The following NTRK3 variants were observed in gnomAD, a reference collection of about 807,000 sequenced individuals.
NTRK3 encodes the protein neurotrophic receptor tyrosine kinase 3.
A neutral mutation model predicts 91.7 loss-of-function variants in NTRK3; 24 were observed. The ratio of observed to expected loss-of-function variants is 0.26; its 90% confidence interval spans 0.19 to 0.37. The LOEUF (loss-of-function observed/expected upper bound fraction) is 0.37, where lower values mean the gene tolerates loss of function less well. NTRK3 is among the 10% of genes least tolerant of loss of function. The pLI is 1.00. For synonymous variants in NTRK3, 483 were observed against 404.0 expected (o/e 1.20, Z -2.34); for missense variants, 880 against 1,068.9 (o/e 0.82, Z 2.46).
intron 14 of NTRK3, among the ~76,000 whole-genome samples, chr15:87,950,480 G>A (rs945539586): frequency 6.6e-6 from 1 of 152,154 alleles, no homozygotes; most frequent in Non-Finnish European, 1.5e-5. Flanking sequence ...AAAGAAGAAA[G>A]GACAGGAAGG....
chr15:88,033,177 T>G (rs12441363), intron 13 of NTRK3, 132 bp from the exon 14 acceptor site: 3 of 82,456 alleles, frequency 3.6e-5, no homozygotes, highest in Admixed American at 1.8e-4. Context: ...GGGGGTGTGT[T>G]ATATATATAT....
intron 15 of NTRK3, among the ~76,000 whole-genome samples, chr15:87,939,441 C>G (rs2069598639): frequency 2.0e-5 from 3 of 152,232 alleles, no homozygotes; most frequent in African/African-American, 4.8e-5. Flanking sequence ...AGTGGTAGAA[C>G]TGGGATTTGC....
chr15:88,217,567 A>C (rs2049889200), intron 3 of NTRK3, among the ~76,000 whole-genome samples: 1 of 152,190 alleles, frequency 6.6e-6, no homozygotes, highest in Non-Finnish European at 1.5e-5. Flanking sequence ...CTAGAGACAG[A>C]AAGTGGTGGT....
At chr15:88,051,759 ACT>A (rs1364587233) in intron 13 of NTRK3, among the ~76,000 whole-genome samples, 2 of 152,234 alleles carry the variant, frequency 1.3e-5, no homozygotes, top group African/African-American at 4.8e-5. Flanking sequence ...TGGTTAGCTA[ACT>A]CAAGAACTTT....
intron 13 of NTRK3, among the ~76,000 whole-genome samples, chr15:88,041,802 A>T (rs2079644801): frequency 6.8e-6 from 1 of 148,028 alleles, no homozygotes; most frequent in African/African-American, 2.5e-5. Flanking sequence ...CATCTTCAGC[A>T]AGTCTCCGCA....
intron 13 of NTRK3, among the ~76,000 whole-genome samples, chr15:88,125,626 A>T (rs532477037): frequency 4.7e-4 from 71 of 152,124 alleles, no homozygotes; most frequent in African/African-American, 1.2e-3. Context: ...ATGCTAATTC[A>T]CCATGTTAAC....
chr15:88,224,586 AAGTC>A (rs1407237725), intron 3 of NTRK3, among the ~76,000 whole-genome samples: 3 of 152,190 alleles, frequency 2.0e-5, no homozygotes. Flanking sequence ...CATCTCTATA[AAGTC>A]CATAGCAGGG....
intron 5 of NTRK3, among the ~76,000 whole-genome samples, chr15:88,165,904 T>C (rs1190271347): frequency 6.6e-6 from 1 of 152,188 alleles, no homozygotes; most frequent in Non-Finnish European, 1.5e-5. Flanking sequence ...CAAGAAGTTG[T>C]CTTGATCTCC....
intron 3 of NTRK3, among the ~76,000 whole-genome samples, chr15:88,225,745 C>T (rs1322136000): frequency 1.3e-5 from 2 of 152,192 alleles, no homozygotes; most frequent in Admixed American, 6.5e-5. Context: ...AGATCCAAAA[C>T]CCTCTCCAGA....
intron 13 of NTRK3, among the ~76,000 whole-genome samples, chr15:88,042,692 G>A (rs549029480): frequency 1.4e-4 from 22 of 152,282 alleles, no homozygotes; most frequent in Admixed American, 1.2e-3. Flanking sequence ...CCAAGAACAC[G>A]CACTTAAGGA....
chr15:88,061,609 C>T (rs1449407436), intron 13 of NTRK3, among the ~76,000 whole-genome samples: 1 of 152,274 alleles, frequency 6.6e-6, no homozygotes, highest in Non-Finnish European at 1.5e-5. Flanking sequence ...ACTCACGCCC[C>T]CGCAGGGCGA....
At chr15:88,183,588 CA>C (rs1389224671) in intron 4 of NTRK3, 99 bp from the exon 5 acceptor site, 1 of 1,112,650 alleles carries the variant, frequency 9.0e-7, no homozygotes, top group Non-Finnish European at 1.4e-6. Flanking sequence ...GCTGGCCCTG[CA>C]GCCGCCCTGT....
At chr15:88,037,769 GA>G (rs1217405740) in intron 13 of NTRK3, among the ~76,000 whole-genome samples, 4 of 152,184 alleles carry the variant, frequency 2.6e-5, no homozygotes, top group Admixed American at 6.5e-5. Context: ...AAATGCTGAT[GA>G]TTGTAATAAT....
At chr15:88,146,836 A>G (rs1460042373) in intron 6 of NTRK3, among the ~76,000 whole-genome samples, 5 of 152,300 alleles carry the variant, frequency 3.3e-5, no homozygotes, top group Admixed American at 6.5e-5. Context: ...TTCAAGTCCC[A>G]GCTTGGCTAG....
exon 19 of NTRK3, chr15:87,866,909 C>T (rs1300722679): frequency 4.7e-6 from 1 of 212,768 alleles, no homozygotes; most frequent in Non-Finnish European, 9.5e-6. Context: ...TGTGGAACTC[C>T]TCATCTATAG....
At chr15:88,232,457 G>C (rs1187775982) in intron 3 of NTRK3, among the ~76,000 whole-genome samples, 1 of 152,204 alleles carries the variant, frequency 6.6e-6, no homozygotes, top group Non-Finnish European at 1.5e-5. Context: ...GAATTGGATT[G>C]CACTGAATTG....
chr15:88,208,464 A>G (rs1421270433), intron 3 of NTRK3, among the ~76,000 whole-genome samples: 3 of 152,214 alleles, frequency 2.0e-5, no homozygotes, highest in Admixed American at 2.0e-4. Context: ...TATAAAGTGC[A>G]TGCAAACCAC....
At chr15:87,934,204 C>T (rs1289217007) in intron 15 of NTRK3, among the ~76,000 whole-genome samples, 1 of 152,178 alleles carries the variant, frequency 6.6e-6, no homozygotes, top group Non-Finnish European at 1.5e-5. Context: ...GCAGCTTATG[C>T]AGGTGGGCGC....
chr15:88,063,894 G>A (rs1385858890), intron 13 of NTRK3, among the ~76,000 whole-genome samples: 13 of 152,226 alleles, frequency 8.5e-5, no homozygotes, highest in Non-Finnish European at 1.8e-4. Context: ...CTTGGTCACT[G>A]TAGTGACTTG....
Sources: gnomAD v4.1 joint callset for allele counts (sites outside exome capture counted in the v4.1 genomes callset) on GRCh38, gnomAD v4.1.1 for gene constraint, MANE v1.5 for transcripts, NCBI Gene and HGNC (gene_info 2026-07-23, HGNC 2026-07-21) for gene names.